The following SHROOM3 variants were observed in gnomAD, a reference collection of about 807,000 sequenced individuals.
SHROOM3 encodes protein Shroom3.
Under a neutral mutation model 138.6 loss-of-function variants are expected in SHROOM3, and 47 were observed. The ratio of observed to expected loss-of-function variants is 0.34; its 90% confidence interval spans 0.27 to 0.43. The LOEUF (loss-of-function observed/expected upper bound fraction) is 0.43. Among genes scored for constraint, SHROOM3 ranks in the 20% least tolerant of loss-of-function variants. The pLI is 1.00. For synonymous variants in SHROOM3, 1,062 were observed against 1,063.3 expected, an observed-to-expected ratio of 1.00 and a Z score of 0.02; for missense variants, 2,491 against 2,596.5, an observed-to-expected ratio of 0.96 and a Z score of 0.88.
In SHROOM3 at chr4:76,485,057, A is replaced by G. The variant is rs138201214; in HGVS notation, c.168+48837A>G. Among the ~76,000 whole-genome samples, 372 of 152,350 alleles carry G rather than the reference A, an allele frequency of 2.4e-3. 1 individual carries two copies. Among genetic ancestry groups the G allele is most frequent in the Admixed American group, 4.0e-3 (61 of 15,300 alleles). On this transcript the variant is annotated intron_variant, in intron 1 of 10. Coordinates refer to ENST00000296043, the MANE Select transcript of SHROOM3 (RefSeq NM_020859.4). ...GAAGAACTCACTCTTCTCATATCAC[A>G]TGGGAAACACACTGTTGTCGCCTTT...
chr4:76,555,622 G>T lies in SHROOM3; in HGVS notation c.182G>T (p.Gly61Val), dbSNP rs2110029644. 1 of 1,613,722 alleles carries T rather than the reference G, an allele frequency of 6.2e-7. No homozygotes were observed. Among genetic ancestry groups the T allele is most frequent in the East Asian group, 2.2e-5 (1 of 44,870 alleles). Residue 61 changes from glycine to valine, a missense_variant, in exon 2 of 11, where the codon GGC (glycine) becomes GTC (valine). Coordinates refer to ENST00000296043, the MANE Select transcript of SHROOM3 (RefSeq NM_020859.4). The stretch of plus-strand genomic sequence containing the variant: ...CCCTCCAAGCAGGTCGAAGAAGGGG[G>T]CAAAGCAGACACCCTGAGCTCCAAA... ...PLIISKVEEG[G>V]KADTLSSKLQ...
chr4:76,477,777 A>G (rs1319457943), intron 1 of SHROOM3, among the ~76,000 whole-genome samples: 1 of 152,156 alleles, frequency 6.6e-6, no homozygotes, highest in African/African-American at 2.4e-5. Context: ...TGAGGTACCC[A>G]GCTCATCTCA....
chr4:76,638,824 C>T (rs749018865), intron 2 of SHROOM3: 5 of 152,126 alleles, frequency 3.3e-5, no homozygotes, highest in Non-Finnish European at 5.9e-5. Flanking sequence ...TTCCTTCCTC[C>T]GATACCTCTG....
At chr4:76,674,554 C>CTTTTTTTTTTTTTT (rs11312421) in intron 2 of SHROOM3, among the ~76,000 whole-genome samples, 59 of 103,294 alleles carry the variant, frequency 5.7e-4, no homozygotes, top group East Asian at 9.6e-4. Context: ...TCCTTCCTTC[C>CTTTTTTTTTTTTTT]TTTTTTTTTT....
chr4:76,660,361 A>G (rs1736156845), intron 2 of SHROOM3, among the ~76,000 whole-genome samples: 1 of 152,156 alleles, frequency 6.6e-6, no homozygotes, highest in East Asian at 1.9e-4. Context: ...GGGCTCATTC[A>G]TTTGAGTTAA....
intron 3 of SHROOM3, among the ~76,000 whole-genome samples, chr4:76,717,443 CTCTT>C (rs1453720199): frequency 6.6e-6 from 1 of 152,106 alleles, no homozygotes; most frequent in Non-Finnish European, 1.5e-5. Context: ...CTTCCTTTCC[CTCTT>C]TCTTTTCATT....
intron 1 of SHROOM3, among the ~76,000 whole-genome samples, chr4:76,440,259 A>G (rs1730642557): frequency 6.6e-6 from 1 of 152,208 alleles, no homozygotes. Context: ...TCCCAATGTT[A>G]TATGTGGGAC....
At chr4:76,606,889 G>C (rs530617490) in intron 2 of SHROOM3, among the ~76,000 whole-genome samples, 1 of 152,114 alleles carries the variant, frequency 6.6e-6, no homozygotes, top group South Asian at 2.1e-4. Flanking sequence ...AAGTGGTCTT[G>C]GTATGCTAAA....
chr4:76,698,875 C>T (rs1206863386), intron 2 of SHROOM3, among the ~76,000 whole-genome samples: 2 of 152,156 alleles, frequency 1.3e-5, no homozygotes, highest in African/African-American at 4.8e-5. Flanking sequence ...CCTATATTTT[C>T]TGTTCTTATC....
At chr4:76,437,630 T>C (rs992346127) in intron 1 of SHROOM3, among the ~76,000 whole-genome samples, 6 of 152,200 alleles carry the variant, frequency 3.9e-5, no homozygotes, top group Non-Finnish European at 8.8e-5. Flanking sequence ...CAATCACTGG[T>C]AAGAAATGCC....
rs548266561 is a variant in SHROOM3 at position 76,710,205 on chromosome 4, G to A, written c.373G>A (p.Val125Ile). The change falls in exon 3 of 11, where the codon GTC (valine) becomes ATC (isoleucine). Residue 125 changes from valine (V) to isoleucine (I), a missense_variant. Physicochemically the swap from Val to Ile is conservative, Grantham distance 29. This residue lies in a region of SHROOM3 where 284 missense variants were observed against 322.8 expected (regional missense o/e 0.88). Coordinates refer to ENST00000296043, the MANE Select transcript of SHROOM3 (RefSeq NM_020859.4). ...TGCAGATACTGGTGCCTCTAACTTC[G>A]TCAGCCCAGAACACCTCACCTCTGG... ...GHADTGASNF[V>I]SPEHLTSGPQ... is the part of the protein sequence containing the mutation. 1.1e-4 allele frequency: 176 copies of A among 1,614,112 alleles called. No individual in the cohort carries two copies. Among genetic ancestry groups the A allele is most frequent in the Middle Eastern group, 6.6e-4 (4 of 6,062 alleles).
intron 3 of SHROOM3, among the ~76,000 whole-genome samples, chr4:76,727,513 G>A (rs1720746129): frequency 6.6e-6 from 1 of 152,190 alleles, no homozygotes; most frequent in South Asian, 2.1e-4. Flanking sequence ...TCCAAAATTA[G>A]AGAAGGACTA....
chr4:76,730,771 T>TAAAAAAAA (rs767060567), intron 3 of SHROOM3, 33 bp from the exon 4 acceptor site: 25 of 1,613,472 alleles, frequency 1.5e-5, no homozygotes, highest in Non-Finnish European at 2.0e-5. Context: ...AGACTTTGGC[T>TAAAAAAAA]AATGTTGGGG....
At chr4:76,576,339 C>G (rs1490300141) in intron 2 of SHROOM3, among the ~76,000 whole-genome samples, 1 of 152,168 alleles carries the variant, frequency 6.6e-6, no homozygotes, top group Non-Finnish European at 1.5e-5. Context: ...GAGATCCTGC[C>G]ATTTGCAACA....
chr4:76,723,248 T>C (rs1248340699), intron 3 of SHROOM3, among the ~76,000 whole-genome samples: 1 of 152,190 alleles, frequency 6.6e-6, no homozygotes, highest in African/African-American at 2.4e-5. Context: ...AAAATGCCTC[T>C]ACAGCCTCGG....
At chr4:76,466,464 A>G (rs536068078) in intron 1 of SHROOM3, among the ~76,000 whole-genome samples, 45 of 152,348 alleles carry the variant, frequency 3.0e-4, no homozygotes, top group African/African-American at 9.9e-4. Context: ...AAACTGTTGT[A>G]TGAACCAAAT....
chr4:76,497,537 C>G (rs1458378001), intron 1 of SHROOM3, among the ~76,000 whole-genome samples: 2 of 152,134 alleles, frequency 1.3e-5, no homozygotes, highest in Non-Finnish European at 2.9e-5. Flanking sequence ...GGTCCTACAG[C>G]AAGGCATGCC....
intron 2 of SHROOM3, among the ~76,000 whole-genome samples, chr4:76,658,807 C>T (rs1188212000): frequency 6.6e-6 from 1 of 152,142 alleles, no homozygotes; most frequent in African/African-American, 2.4e-5. Context: ...AAACATCAAA[C>T]ATTTTTCAAT....
rs946683605 is a variant in SHROOM3, at chr4:76,782,261, A to G, written c.*3084A>G. ...AACATCTTTTCCTTTGCTCTATGGG[A>G]ACATTTTAGGGTTTGTTTTGCACAG... is the stretch of plus-strand genomic sequence containing the variant. On this transcript the variant is annotated 3_prime_UTR_variant, in exon 11 of 11. Coordinates refer to ENST00000296043, the MANE Select transcript of SHROOM3 (RefSeq NM_020859.4). 13 of 152,128 alleles carry G rather than the reference A, an allele frequency of 8.5e-5. No individual in the cohort carries two copies. Among genetic ancestry groups the G allele is most frequent in the Non-Finnish European group, 2.9e-5 (2 of 68,026 alleles). The allele number at this position is 152,128 out of a possible 1,614,324, so 9.4% of individuals were successfully genotyped here.
Sources: gnomAD v4.1 joint callset for allele counts (sites outside exome capture counted in the v4.1 genomes callset) on GRCh38, gnomAD v4.1.1 for gene constraint, gnomAD v4.1.1 regional missense constraint, MANE v1.5 for transcripts, NCBI Gene and HGNC (gene_info 2026-07-23, HGNC 2026-07-21) for gene names.